Variants in PSAP observed in about 807,000 individuals in gnomAD.
The protein encoded by PSAP is prosaposin.
Under a neutral mutation model 66.0 loss-of-function variants are expected in PSAP, and 25 were observed. That is an observed-to-expected ratio of 0.38 (90% CI 0.28 to 0.53). PSAP has a LOEUF of 0.53. Ranked by LOEUF, PSAP falls within the 20% of genes least tolerant of loss-of-function variation. The pLI is 0.83. For missense variants in PSAP, 649 were observed against 668.8 expected (o/e 0.97, Z 0.33); for synonymous variants, 273 against 258.9 (o/e 1.05, Z -0.52).
chr10:71,826,195 A>C (rs1236387541), intron 6 of PSAP, among the ~76,000 whole-genome samples: 1 of 152,242 alleles, frequency 6.6e-6, no homozygotes, highest in African/African-American at 2.4e-5. Flanking sequence ...CCAGGATCAC[A>C]CAGCAACTAT....
At position 71,819,703 on chromosome 10, in the gene PSAP, C is replaced by T; in HGVS notation, c.1192+11G>A. ...GGCACCATCCTCTCCCGCACCACAC[C>T]CAGCGCTCACCGGTCAGTGCAGGCA... On this transcript the variant is annotated intron_variant, in intron 10 of 13. Transcript: ENST00000394936. The T allele has an allele frequency of 6.2e-7, 1 of 1,614,084 alleles. No homozygotes were observed. The highest frequency in any genetic ancestry group is 8.5e-7 in the Non-Finnish European group (1 of 1,180,014).
chr10:71,820,246 CTTG>C lies in PSAP; in HGVS notation c.996_998del (p.Asn332del), dbSNP rs751974432. 17 of 1,612,526 alleles carry C rather than the reference CTTG, an allele frequency of 1.1e-5. No homozygotes were observed. The highest frequency in any genetic ancestry group is 3.3e-4 in the Middle Eastern group (2 of 6,082). On this transcript the variant is annotated inframe_deletion, in exon 9 of 14. Transcript: ENST00000394936. ...TGCCAGGAGGACAGCATACCTCAGT[CTTG>C]TTGTTGTCAATCAGCTTGGTCACCT...
intron 1 of PSAP, among the ~76,000 whole-genome samples, chr10:71,839,116 G>C (rs545013099): frequency 5.3e-5 from 8 of 152,270 alleles, no homozygotes; most frequent in Middle Eastern, 3.4e-3. Flanking sequence ...AAAGTTCTTA[G>C]AATGTTTGAC....
chr10:71,828,759 G>A (rs1029378820), intron 5 of PSAP, 118 bp downstream of exon 5: 1 of 1,062,336 alleles, frequency 9.4e-7, no homozygotes, highest in Non-Finnish European at 1.4e-6. Flanking sequence ...TGTGACTGCA[G>A]AGTCACGCAC....
At chr10:71,834,588 G>A (rs572239906) in intron 1 of PSAP, 83 bp from the exon 2 acceptor site, 27 of 1,545,802 alleles carry the variant, frequency 1.7e-5, no homozygotes, top group African/African-American at 6.8e-5. Context: ...GGCTGAGGGC[G>A]ACTGTCCTTG....
At chr10:71,826,221 A>C (rs1275567326) in intron 6 of PSAP, among the ~76,000 whole-genome samples, 1 of 152,218 alleles carries the variant, frequency 6.6e-6, no homozygotes, top group Non-Finnish European at 1.5e-5. Flanking sequence ...GGCAATTTGG[A>C]GAGAAGGCAG....
intron 1 of PSAP, among the ~76,000 whole-genome samples, chr10:71,837,856 G>A (rs1466240794): frequency 6.6e-6 from 1 of 152,242 alleles, no homozygotes. Flanking sequence ...AGTTCTCTGT[G>A]GGGAAGGGAA....
At chr10:71,820,631 C>G (rs1488739965) in intron 8 of PSAP, among the ~76,000 whole-genome samples, 1 of 152,054 alleles carries the variant, frequency 6.6e-6, no homozygotes, top group Non-Finnish European at 1.5e-5. Flanking sequence ...AAGAGCTGTC[C>G]TGATGATGTG....
intron 8 of PSAP, among the ~76,000 whole-genome samples, chr10:71,821,423 G>A (rs149897776): frequency 1.0e-3 from 154 of 152,286 alleles, no homozygotes; most frequent in Non-Finnish European, 1.3e-3. Flanking sequence ...CAAGTGAGGT[G>A]TTTTAGTTAA....
chr10:71,828,896 C>T lies in PSAP; in HGVS notation c.557G>A (p.Arg186His), dbSNP rs138880818. 159 of 1,613,848 alleles carry T rather than the reference C, an allele frequency of 9.9e-5. No homozygotes were observed. The highest frequency in any genetic ancestry group is 1.2e-4 in the Non-Finnish European group (138 of 1,179,996). The change falls in exon 5 of 14, where the codon CGC (arginine) becomes CAC (histidine). Residue 186 changes from arginine to histidine, a missense_variant. By Grantham distance (29) the Arg-to-His change is conservative (BLOSUM62 0). Transcript: ENST00000394936. ...TCTTACCTTTGGCTGGGGCTTGCTG[C>T]GGGGGCCGTCCTGAGGGTAGAGGAG... ...PLLLYPQDGP[R>H]SKPQPKDNGD...
rs375977785 is a variant in PSAP at position 71,831,210 on chromosome 10, A to T, written c.291T>A (p.Leu97=). The T allele has an allele frequency of 3.1e-6, 5 of 1,613,962 alleles. No homozygotes were observed. The highest frequency in any genetic ancestry group is 4.2e-6 in the Non-Finnish European group (5 of 1,179,992). Residue 97 remains leucine (L), a synonymous_variant, in exon 4 of 14, where the codon CTT becomes CTA. Transcript: ENST00000394936. ...ATGAAGCAGACATGTTCGGTTTCGG[A>T]AGCCAGTCACAGGTCTTCTCCAAGT... ...LVYLEKTCDW[L]PKPNMSASCK...
At chr10:71,846,375 C>G (rs1057352913) in intron 1 of PSAP, among the ~76,000 whole-genome samples, 2 of 148,268 alleles carry the variant, frequency 1.3e-5, no homozygotes, top group Admixed American at 1.3e-4. Flanking sequence ...TTGCAACAGC[C>G]AAAATCTTCA....
At chr10:71,822,677 G>A (rs745702550) in intron 7 of PSAP, 2 of 471,494 alleles carry the variant, frequency 4.2e-6, no homozygotes, top group South Asian at 3.1e-5. Context: ...CACTCTGATG[G>A]CCAAGAGTGA....
rs1213258997 is a variant in PSAP, at chr10:71,831,166, G to A, written c.335C>T (p.Ser112Phe). 1 of 1,613,970 alleles carries A rather than the reference G, an allele frequency of 6.2e-7. No individual in the cohort carries two copies. The highest frequency in any genetic ancestry group is 2.2e-5 in the East Asian group (1 of 44,900). ...GATGTCCAGGATGACAGGGAGGTAG[G>A]AGTCCACTATCTCCTTGCATGAAGC... ...MSASCKEIVD[S>F]YLPVILDIIK... Residue 112 changes from serine (S) to phenylalanine (F), a missense_variant, in exon 4 of 14, where the codon TCC becomes TTC. Coordinates refer to ENST00000394936, the MANE Select transcript of PSAP (RefSeq NM_002778.4).
chr10:71,832,566 T>C (rs1490047811), intron 2 of PSAP, among the ~76,000 whole-genome samples: 1 of 152,148 alleles, frequency 6.6e-6, no homozygotes, highest in African/African-American at 2.4e-5. Context: ...CTTAGCTGCA[T>C]TTAGAGAAAC....
intron 6 of PSAP, among the ~76,000 whole-genome samples, chr10:71,827,193 G>A (rs562047872): frequency 1.3e-5 from 2 of 149,396 alleles, no homozygotes; most frequent in Admixed American, 6.7e-5. Flanking sequence ...TCAGGAGATC[G>A]AGACCATCCT....
chr10:71,835,388 T>G (rs1300085351), intron 1 of PSAP, among the ~76,000 whole-genome samples: 3 of 152,044 alleles, frequency 2.0e-5, no homozygotes, highest in Non-Finnish European at 4.4e-5. Flanking sequence ...GAGACCAGCC[T>G]GGGCAACATG....
intron 7 of PSAP, among the ~76,000 whole-genome samples, chr10:71,825,154 GAACA>G (rs1183759178): frequency 1.3e-5 from 2 of 152,164 alleles, no homozygotes; most frequent in Admixed American, 6.5e-5. Context: ...CTGGATCAGA[GAACA>G]AACTCAAACG....
chr10:71,838,379 G>A (rs1383974208), intron 1 of PSAP, among the ~76,000 whole-genome samples: 1 of 152,230 alleles, frequency 6.6e-6, no homozygotes, highest in Non-Finnish European at 1.5e-5. Flanking sequence ...CCCACCCAGA[G>A]AGTCCCCTGG....
Sources: allele counts gnomAD v4.1 joint callset (sites outside exome capture counted in the v4.1 genomes callset), GRCh38; gene constraint gnomAD v4.1.1; transcripts MANE v1.5; gene names NCBI Gene and HGNC (gene_info 2026-07-23, HGNC 2026-07-21).